Variants in CHL1 observed in about 807,000 individuals in gnomAD.
The protein encoded by CHL1 is cell adhesion molecule L1 like, also known as neural cell adhesion molecule L1-like protein.
In CHL1, 96 loss-of-function variants were observed where a neutral mutation model predicts 141.9. The observed-to-expected ratio is 0.68, with a 90% CI of 0.57 to 0.80. The LOEUF is 0.80. Among genes scored for constraint, CHL1 ranks in the 30% least tolerant of loss-of-function variants. The pLI is 0.00. For synonymous variants in CHL1, 613 were observed against 502.2 expected (o/e 1.22, Z -2.95); for missense variants, 1,820 against 1,457.2 (o/e 1.25, Z -4.05).
intron 2 of CHL1, among the ~76,000 whole-genome samples, chr3:294,283 C>A (rs1359562435): frequency 6.6e-6 from 1 of 152,102 alleles, no homozygotes; most frequent in East Asian, 1.9e-4. Flanking sequence ...TACACCACTG[C>A]TCTCCAGTCT....
intron 10 of CHL1, among the ~76,000 whole-genome samples, chr3:351,481 A>G (rs1406217593): frequency 6.6e-6 from 1 of 152,146 alleles, no homozygotes; most frequent in Non-Finnish European, 1.5e-5. Flanking sequence ...GTAATAAATA[A>G]AAACTTTGTT....
chr3:326,651 T>C (rs999784641), intron 4 of CHL1, among the ~76,000 whole-genome samples: 18 of 151,864 alleles, frequency 1.2e-4, no homozygotes, highest in Non-Finnish European at 2.4e-4. Flanking sequence ...CAAAATACCT[T>C]CTATGTTTGG....
chr3:200,635 A>T (rs982096390), intron 1 of CHL1, among the ~76,000 whole-genome samples: 1 of 152,314 alleles, frequency 6.6e-6, no homozygotes, highest in East Asian at 1.9e-4. Context: ...TTGTTCCTGG[A>T]AAAATATTGT....
In CHL1 at chr3:387,085, C is replaced by G. The variant is rs192920570; in HGVS notation, c.2248-2167C>G. ...AATGGAATCAAGGCAGGACGGCAGT[C>G]TTTCTGTTTTCTAGATTAATAGTTA... On this transcript the variant is annotated intron_variant, in intron 19 of 27. Coordinates refer to ENST00000256509, the MANE Select transcript of CHL1 (RefSeq NM_006614.4). Among the ~76,000 whole-genome samples, 125 of 152,288 alleles carry G rather than the reference C, an allele frequency of 8.2e-4. 2 individuals carry two copies. The highest frequency in any genetic ancestry group is 2.9e-3 in the African/African-American group (121 of 41,560).
intron 1 of CHL1, among the ~76,000 whole-genome samples, chr3:228,137 A>G (rs535599708): frequency 3.9e-5 from 6 of 152,370 alleles, no homozygotes; most frequent in Non-Finnish European, 2.9e-5. Flanking sequence ...CTCAGAAGTT[A>G]AAACCAAAGT....
intron 3 of CHL1, 146 bp from the exon 4 acceptor site, chr3:325,809 CAAAG>C (rs1194143816): frequency 1.6e-5 from 8 of 508,590 alleles, no homozygotes; most frequent in African/African-American, 1.4e-4. Flanking sequence ...GTACATGTTG[CAAAG>C]AGAGAGTGAG....
intron 27 of CHL1, among the ~76,000 whole-genome samples, chr3:403,568 A>G (rs1263055507): frequency 6.6e-6 from 1 of 152,032 alleles, no homozygotes; most frequent in African/African-American, 2.4e-5. Flanking sequence ...AAAAACACAA[A>G]CAAACAAACA....
At chr3:393,691 A>G (rs962279282) in intron 23 of CHL1, among the ~76,000 whole-genome samples, 7 of 152,104 alleles carry the variant, frequency 4.6e-5, no homozygotes, top group African/African-American at 7.2e-5. Context: ...TGAGAGCTCT[A>G]TGTATACTCT....
At chr3:336,055 A>G (rs922324410) in intron 5 of CHL1, among the ~76,000 whole-genome samples, 1 of 152,240 alleles carries the variant, frequency 6.6e-6, no homozygotes, top group African/African-American at 2.4e-5. Flanking sequence ...GAATGACGAC[A>G]CTGAAACATA....
intron 15 of CHL1, among the ~76,000 whole-genome samples, chr3:377,560 G>A (rs892243172): frequency 2.6e-5 from 4 of 152,260 alleles, no homozygotes; most frequent in East Asian, 1.9e-4. Flanking sequence ...TTCCATCACT[G>A]ACCCATGCAA....
intron 1 of CHL1, among the ~76,000 whole-genome samples, chr3:235,407 G>T (rs752578408): frequency 1.4e-4 from 22 of 152,078 alleles, no homozygotes; most frequent in Non-Finnish European, 1.0e-4. Context: ...CTCATGGGTT[G>T]TAAGGATAAA....
intron 3 of CHL1, among the ~76,000 whole-genome samples, chr3:323,278 A>G (rs1471094144): frequency 6.6e-6 from 1 of 152,100 alleles, no homozygotes; most frequent in East Asian, 1.9e-4. Context: ...TGTGGAGGAC[A>G]TGTATTGTCC....
chr3:404,113 G>A (rs1709350645), intron 27 of CHL1, among the ~76,000 whole-genome samples: 1 of 152,186 alleles, frequency 6.6e-6, no homozygotes, highest in African/African-American at 2.4e-5. Flanking sequence ...AGGAGCACTG[G>A]CTGGTGGACG....
At position 354,543 on chromosome 3, in the gene CHL1, T is replaced by C; in HGVS notation, c.1034-97T>C. On this transcript the variant is annotated intron_variant, in intron 10 of 27. Transcript: ENST00000256509. ...CTACTATGAAACCCTTTGTGGTGTC[T>C]GCCCTCTGCTGGTGCAAAGTAGAAA... 15 of 1,362,866 alleles carry C rather than the reference T, an allele frequency of 1.1e-5. No individual in the cohort carries two copies. In the South Asian group the frequency reaches 1.7e-4, roughly 15 times the overall value. 84.4% of individuals were successfully genotyped at this position (1,362,866 alleles called of 1,614,324 possible). A position where few individuals can be genotyped will look rare whatever the true frequency, so the allele number is the denominator to read the frequency against.
At chr3:230,707 T>G (rs554193486) in intron 1 of CHL1, among the ~76,000 whole-genome samples, 1 of 152,324 alleles carries the variant, frequency 6.6e-6, no homozygotes, top group Admixed American at 6.5e-5. Flanking sequence ...TTTCAAGGGT[T>G]TAATTTAAAA....
At chr3:298,576 G>A (rs1336992671) in intron 2 of CHL1, among the ~76,000 whole-genome samples, 10 of 152,178 alleles carry the variant, frequency 6.6e-5, no homozygotes, top group Non-Finnish European at 1.5e-4. Flanking sequence ...CATAAGCAGT[G>A]CTAGATAGTG....
At chr3:229,632 A>G (rs1378046758) in intron 1 of CHL1, among the ~76,000 whole-genome samples, 2 of 152,116 alleles carry the variant, frequency 1.3e-5, no homozygotes, top group Admixed American at 6.6e-5. Context: ...AATTTTCCAC[A>G]TAATAGCTTA....
chr3:366,471 A>C (rs1365023122), intron 15 of CHL1, among the ~76,000 whole-genome samples: 1 of 9,378 alleles, frequency 1.1e-4, no homozygotes, highest in Admixed American at 6.1e-3. Flanking sequence ...ACTCTGTCTC[A>C]AAAAAAAAAA....
At chr3:246,961 C>T (rs1010210968) in intron 2 of CHL1, 2 of 151,834 alleles carry the variant, frequency 1.3e-5, no homozygotes, top group Admixed American at 1.3e-4. Context: ...GGTAATGTGC[C>T]GAGACTGCTT....
Sources: gnomAD v4.1 joint callset for allele counts (sites outside exome capture counted in the v4.1 genomes callset) on GRCh38, gnomAD v4.1.1 for gene constraint, MANE v1.5 for transcripts, NCBI Gene and HGNC (gene_info 2026-07-23, HGNC 2026-07-21) for gene names.